Variants in DLGAP2 observed in about 807,000 individuals in gnomAD.
The protein encoded by DLGAP2 is disks large-associated protein 2.
Under a neutral mutation model 100.3 loss-of-function variants are expected in DLGAP2, and 26 were observed. The ratio of observed to expected loss-of-function variants is 0.26; its 90% CI spans 0.19 to 0.36. The LOEUF is 0.36. DLGAP2 is among the 10% of genes least tolerant of loss of function. The pLI is 1.00. For synonymous variants in DLGAP2, 886 were observed against 630.1 expected, an observed-to-expected ratio of 1.41 and a Z score of -6.08; for missense variants, 1,858 against 1,453.2, an observed-to-expected ratio of 1.28 and a Z score of -4.53.
chr8:1,591,476 C>G (rs1346639361), intron 6 of DLGAP2, among the ~76,000 whole-genome samples: 2 of 152,088 alleles, frequency 1.3e-5, no homozygotes, highest in Non-Finnish European at 2.9e-5. Context: ...GGGTCTTCCC[C>G]TCCTTTCTTT....
intron 1 of DLGAP2, among the ~76,000 whole-genome samples, chr8:894,597 G>A (rs551269036): frequency 7.2e-6 from 1 of 139,778 alleles, no homozygotes; most frequent in Admixed American, 7.3e-5. Context: ...GAGCAGGGGT[G>A]TGGTGGGGAG....
intron 1 of DLGAP2, among the ~76,000 whole-genome samples, chr8:791,192 T>C (rs1822017215): frequency 6.6e-6 from 1 of 152,220 alleles, no homozygotes; most frequent in South Asian, 2.1e-4. Context: ...AGGAATAAAT[T>C]AATAATCAGC....
chr8:1,230,836 C>T (rs1307560569), intron 2 of DLGAP2, among the ~76,000 whole-genome samples: 7 of 152,126 alleles, frequency 4.6e-5, no homozygotes, highest in Admixed American at 4.6e-4. Context: ...TCCTGCCTTT[C>T]AGCATATGCA....
At chr8:1,431,381 G>C (rs1045590869) in intron 3 of DLGAP2, among the ~76,000 whole-genome samples, 6 of 152,230 alleles carry the variant, frequency 3.9e-5, no homozygotes, top group African/African-American at 1.2e-4. Context: ...CTGCACGTCT[G>C]ATCCATGCTG....
At chr8:845,701 G>C (rs747260049) in intron 1 of DLGAP2, among the ~76,000 whole-genome samples, 35 of 152,118 alleles carry the variant, frequency 2.3e-4, no homozygotes, top group Non-Finnish European at 4.9e-4. Context: ...TTTGCTGCTT[G>C]TGCTTTTGAT....
intron 3 of DLGAP2, among the ~76,000 whole-genome samples, chr8:1,418,685 G>A (rs1313907423): frequency 6.6e-6 from 1 of 152,008 alleles, no homozygotes; most frequent in Non-Finnish European, 1.5e-5. Flanking sequence ...CAATACTTCT[G>A]GCCACCAAAT....
At chr8:1,294,452 A>G (rs1036744850) in intron 3 of DLGAP2, among the ~76,000 whole-genome samples, 1 of 152,154 alleles carries the variant, frequency 6.6e-6, no homozygotes, top group African/African-American at 2.4e-5. Context: ...CACTGAGACC[A>G]TGTGTTGAAA....
At chr8:1,343,634 G>A (rs10094944) in intron 3 of DLGAP2, among the ~76,000 whole-genome samples, 10 of 152,144 alleles carry the variant, frequency 6.6e-5, no homozygotes, top group Non-Finnish European at 1.3e-4. Context: ...GTAAATGCAC[G>A]TCCTGTTTTT....
chr8:1,351,839 G>A (rs112862198), intron 3 of DLGAP2, among the ~76,000 whole-genome samples: 1,547 of 66,858 alleles, frequency 0.023, 2 homozygotes, highest in East Asian at 0.1. Context: ...GGCCATGCGG[G>A]TCCTGAGTGT....
chr8:1,680,396 C>T (rs1330658394), intron 12 of DLGAP2, among the ~76,000 whole-genome samples: 2 of 152,192 alleles, frequency 1.3e-5, no homozygotes, highest in African/African-American at 2.4e-5. Context: ...CTTGGAGCCT[C>T]GGCAGTCTGA....
intron 1 of DLGAP2, among the ~76,000 whole-genome samples, chr8:760,504 A>G (rs182045818): frequency 3.5e-4 from 54 of 152,250 alleles, no homozygotes; most frequent in Non-Finnish European, 7.1e-4. Flanking sequence ...ATATATTTGA[A>G]AGTTTGGTTG....
intron 4 of DLGAP2, among the ~76,000 whole-genome samples, chr8:1,513,317 G>C (rs530356360): frequency 1.5e-5 from 2 of 131,906 alleles, no homozygotes; most frequent in Non-Finnish European, 3.3e-5. Flanking sequence ...GTGCAAGGGA[G>C]GACGGGAGAG....
At chr8:1,598,814 A>C (rs1021085775) in intron 6 of DLGAP2, among the ~76,000 whole-genome samples, 2 of 152,122 alleles carry the variant, frequency 1.3e-5, no homozygotes, top group Non-Finnish European at 2.9e-5. Context: ...TCAAAAAACC[A>C]GCTTCTAGAT....
At chr8:1,193,641 C>T (rs1435363918) in intron 2 of DLGAP2, among the ~76,000 whole-genome samples, 2 of 152,278 alleles carry the variant, frequency 1.3e-5, no homozygotes, top group African/African-American at 4.8e-5. Flanking sequence ...TAGGTTGCTT[C>T]CCTGGCACGG....
intron 2 of DLGAP2, among the ~76,000 whole-genome samples, chr8:1,163,207 T>C (rs981749217): frequency 6.6e-6 from 1 of 152,164 alleles, no homozygotes; most frequent in Admixed American, 6.5e-5. Context: ...TCTGTGCCAG[T>C]GAAAAACTGA....
chr8:1,706,044 T>C lies in DLGAP2; in HGVS notation c.*4638T>C, dbSNP rs1199046919. 1 of 152,224 alleles carries C rather than the reference T, an allele frequency of 6.6e-6. No homozygotes were observed. Among genetic ancestry groups the C allele is most frequent in the East Asian group, 1.9e-4 (1 of 5,188 alleles). The allele number at this position is 152,224 out of a possible 1,614,324, so 9.4% of individuals were successfully genotyped here. A position where few individuals can be genotyped will look rare whatever the true frequency, so the allele number is the denominator to read the frequency against. ...CCATGGCTTCCCTGCAGGAGCCCCA[T>C]CTTGTCGCTATTAGTTGGGAGTTGC... On this transcript the variant is annotated 3_prime_UTR_variant, in exon 15 of 15. Transcript: ENST00000637795.
chr8:808,162 C>A (rs1796303791), intron 1 of DLGAP2, among the ~76,000 whole-genome samples: 1 of 152,154 alleles, frequency 6.6e-6, no homozygotes, highest in Non-Finnish European at 1.5e-5. Context: ...CTTTCTGTGT[C>A]ATGGTGTGAC....
intron 2 of DLGAP2, among the ~76,000 whole-genome samples, chr8:1,091,598 C>A (rs547856316): frequency 2.0e-5 from 3 of 152,324 alleles, no homozygotes; most frequent in Middle Eastern, 6.8e-3. Context: ...CCATATCATT[C>A]GGCAGGTCCC....
Position 1,177,162 on chromosome 8 carries a change from C to T in DLGAP2, c.74-81689C>T, listed in dbSNP as rs1487564407. The stretch of plus-strand genomic sequence containing the variant: ...GTGGACGCACGCACGCCCAGCACCC[C>T]ATGAATGAAGAACTTTGCTGGGGCC... On this transcript the variant is annotated intron_variant, in intron 2 of 14. Coordinates refer to ENST00000637795, the MANE Select transcript of DLGAP2 (RefSeq NM_001346810.2). Among the ~76,000 whole-genome samples the T allele has an allele frequency of 3.3e-5, 5 of 152,188 alleles. No homozygotes were observed. The East Asian group carries it at 9.6e-4, about 29-fold the overall frequency.
Sources: gnomAD v4.1 joint callset for allele counts (sites outside exome capture counted in the v4.1 genomes callset) on GRCh38, gnomAD v4.1.1 for gene constraint, MANE v1.5 for transcripts, NCBI Gene and HGNC (gene_info 2026-07-23, HGNC 2026-07-21) for gene names.